MYT1L: variants seen among roughly 807,000 people sequenced by gnomAD.
The protein encoded by MYT1L is myelin transcription factor 1-like protein.
In MYT1L, 12 loss-of-function variants were observed where a neutral mutation model predicts 126.7. The observed-to-expected ratio is 0.09, with a 90% confidence interval of 0.06 to 0.15. MYT1L has a LOEUF of 0.15. Ranked by LOEUF, MYT1L falls within the 10% of genes least tolerant of loss-of-function variation. The pLI is 1.00. For synonymous variants in MYT1L, 541 were observed against 604.2 expected, an observed-to-expected ratio of 0.90 and a Z score of 1.53; for missense variants, 979 against 1,585.2, an observed-to-expected ratio of 0.62 and a Z score of 6.49.
intron 2 of MYT1L, among the ~76,000 whole-genome samples, chr2:2,179,003 T>C (rs1461757448): frequency 6.6e-6 from 1 of 152,042 alleles, no homozygotes; most frequent in East Asian, 1.9e-4. Flanking sequence ...AAGTGAGGAA[T>C]AGCATTAACC....
At chr2:2,151,798 G>A (rs974815061) in intron 3 of MYT1L, among the ~76,000 whole-genome samples, 1 of 152,212 alleles carries the variant, frequency 6.6e-6, no homozygotes, top group Non-Finnish European at 1.5e-5. Context: ...GCTCATGCCT[G>A]TAATCCCAGC....
intron 2 of MYT1L, among the ~76,000 whole-genome samples, chr2:2,263,357 G>A (rs1392825002): frequency 1.3e-5 from 2 of 151,990 alleles, no homozygotes; most frequent in Admixed American, 6.5e-5. Context: ...CCAGAAACAA[G>A]GGGTGCTGCA....
intron 2 of MYT1L, among the ~76,000 whole-genome samples, chr2:2,197,111 G>A (rs1222825259): frequency 2.6e-5 from 4 of 152,138 alleles, no homozygotes; most frequent in African/African-American, 9.7e-5. Flanking sequence ...GTTGGTTAGG[G>A]AACAGGCAAC....
At chr2:2,046,390 C>T (rs1574804305) in intron 4 of MYT1L, among the ~76,000 whole-genome samples, 1 of 152,166 alleles carries the variant, frequency 6.6e-6, no homozygotes, top group Non-Finnish European at 1.5e-5. Flanking sequence ...ATGAATATAG[C>T]ATGATTTATT....
At chr2:1,798,843 C>T (rs2034307991) in intron 23 of MYT1L, among the ~76,000 whole-genome samples, 1 of 152,220 alleles carries the variant, frequency 6.6e-6, no homozygotes, top group Non-Finnish European at 1.5e-5. Flanking sequence ...TCCATACTCC[C>T]CGGGCAGTGG....
chr2:1,855,728 G>C (rs1482267056), intron 18 of MYT1L, among the ~76,000 whole-genome samples: 2 of 152,134 alleles, frequency 1.3e-5, no homozygotes, highest in Non-Finnish European at 2.9e-5. Flanking sequence ...AACAACTGGA[G>C]AAAGAAGATG....
chr2:1,861,887 G>A (rs5004857), intron 18 of MYT1L, among the ~76,000 whole-genome samples: 1,379 of 41,820 alleles, frequency 0.033, no homozygotes, highest in East Asian at 0.058. Context: ...GTGTAATCCT[G>A]GATCCTCCTA....
At position 2,140,728 on chromosome 2, in the gene MYT1L, C is replaced by T. The variant is rs375976390; in HGVS notation, c.-304+32144G>A. On this transcript the variant is annotated intron_variant, in intron 3 of 24. Coordinates refer to ENST00000647738, the MANE Select transcript of MYT1L (RefSeq NM_001303052.2). Reference sequence around the variant, plus strand: ...GATTACAGGCGTGAGACACCACGCCCGGCCTAATTTTTGTATTTTTAATAG... The same window carrying T: ...GATTACAGGCGTGAGACACCACGCCTGGCCTAATTTTTGTATTTTTAATAG... 7.2e-5 allele frequency among the ~76,000 whole-genome samples: 11 copies of T among 152,108 alleles called. No homozygotes were observed. In the East Asian group the frequency reaches 7.8e-4, roughly 11 times the overall value.
rs183814765 is a variant in MYT1L at position 1,832,482 on chromosome 2, C to T, written c.3080+6667G>A. Among the ~76,000 whole-genome samples the T allele has an allele frequency of 6.1e-3, 935 of 152,352 alleles. 1 individual carries two copies. The highest frequency in any genetic ancestry group is 1.0e-2 in the Non-Finnish European group (677 of 68,040). ...ATTGCCACCCGTGCAGCTGCTGGGG[C>T]TGGGGCCACCTCTCCTGCCGGGATT... On this transcript the variant is annotated intron_variant, in intron 21 of 24. Coordinates refer to ENST00000647738, the MANE Select transcript of MYT1L (RefSeq NM_001303052.2).
chr2:2,327,467 A>G (rs1317368957), intron 1 of MYT1L, among the ~76,000 whole-genome samples: 1 of 151,904 alleles, frequency 6.6e-6, no homozygotes, highest in Non-Finnish European at 1.5e-5. Context: ...AACTTTTCAA[A>G]TAAAAAAGAA....
intron 9 of MYT1L, among the ~76,000 whole-genome samples, chr2:1,932,506 C>T (rs2055144276): frequency 6.6e-6 from 1 of 152,006 alleles, no homozygotes; most frequent in Non-Finnish European, 1.5e-5. Flanking sequence ...AACAATGAAC[C>T]AAAGAAACAG....
intron 23 of MYT1L, among the ~76,000 whole-genome samples, chr2:1,797,499 C>T (rs991637387): frequency 2.6e-5 from 4 of 152,158 alleles, no homozygotes; most frequent in Non-Finnish European, 5.9e-5. Flanking sequence ...GGATTACAGG[C>T]GTGAGCCACT....
At chr2:1,830,434 T>G (rs2039982310) in intron 21 of MYT1L, among the ~76,000 whole-genome samples, 1 of 151,786 alleles carries the variant, frequency 6.6e-6, no homozygotes. Context: ...TGACATTGTC[T>G]GGAAGATAAG....
rs189111564 is a variant in MYT1L, at chr2:1,889,187, G to C, written c.2520+54C>G. ...TGTGCAAATGGCTTTTCTTTCAGCT[G>C]GGGCCCCATTTTTAAGTCTGGCAGT... On this transcript the variant is annotated intron_variant, in intron 16 of 24. Coordinates refer to ENST00000647738, the MANE Select transcript of MYT1L (RefSeq NM_001303052.2). The surrounding 1 kb of genome is among the most constrained non-coding windows in gnomAD (Gnocchi z 4.1). The C allele has an allele frequency of 3.5e-3, 5,068 of 1,466,254 alleles. 9 individuals are homozygous for C. Among genetic ancestry groups the C allele is most frequent in the Non-Finnish European group, 4.4e-3 (4,632 of 1,060,748 alleles). The allele number at this position is 1,466,254 out of a possible 1,614,324, so 90.8% of individuals were successfully genotyped here.
chr2:2,274,500 C>A (rs2095322558), intron 2 of MYT1L, among the ~76,000 whole-genome samples: 1 of 152,118 alleles, frequency 6.6e-6, no homozygotes, highest in Admixed American at 6.5e-5. Context: ...CATTCTTAAT[C>A]ACTCATAATA....
chr2:2,007,257 C>G (rs1439788191), intron 4 of MYT1L, among the ~76,000 whole-genome samples: 2 of 152,140 alleles, frequency 1.3e-5, no homozygotes, highest in Non-Finnish European at 2.9e-5. Flanking sequence ...TTCATAATGG[C>G]TGTACCAAGC....
At chr2:2,306,847 G>T (rs1256634378) in intron 1 of MYT1L, among the ~76,000 whole-genome samples, 1 of 152,186 alleles carries the variant, frequency 6.6e-6, no homozygotes, top group African/African-American at 2.4e-5. Flanking sequence ...GTGTTTCATA[G>T]CCTCATAGGG....
At chr2:1,794,159 G>A (rs570278170) in intron 23 of MYT1L, among the ~76,000 whole-genome samples, 1 of 152,226 alleles carries the variant, frequency 6.6e-6, no homozygotes, top group African/African-American at 2.4e-5. Flanking sequence ...AGCAGAGGGC[G>A]GCTCCTGCCC....
At position 1,851,006 on chromosome 2, in the gene MYT1L, G is replaced by A. The variant is rs541235147; in HGVS notation, c.2774+635C>T. On this transcript the variant is annotated intron_variant, in intron 19 of 24. Transcript: ENST00000647738. ...TTTAACAAGTGGTAAATTTTTTCTC[G>A]AATAGTACCACAATTTCTTTCCATT... Among the ~76,000 whole-genome samples, 219 of 152,144 alleles carry A rather than the reference G, an allele frequency of 1.4e-3. 3 individuals are homozygous for A. Among genetic ancestry groups the A allele is most frequent in the African/African-American group, 4.8e-3 (201 of 41,494 alleles).
Sources: allele counts gnomAD v4.1 joint callset (sites outside exome capture counted in the v4.1 genomes callset), GRCh38; gene constraint gnomAD v4.1.1; non-coding constraint Gnocchi (gnomAD v3.1); transcripts MANE v1.5; gene names NCBI Gene and HGNC (gene_info 2026-07-23, HGNC 2026-07-21).